The following STIMATE variants were observed in gnomAD, a reference collection of about 807,000 sequenced individuals.
STIMATE encodes STIM activating enhancer.
Under a neutral mutation model 36.7 loss-of-function variants are expected in STIMATE, and 15 were observed. The observed-to-expected ratio is 0.41, with a 90% CI of 0.27 to 0.63. The LOEUF is 0.63. Among genes scored for constraint, STIMATE ranks in the 20% least tolerant of loss-of-function variants. The pLI, the probability that STIMATE is intolerant of heterozygous loss-of-function variation, is 0.32. For synonymous variants in STIMATE, 163 were observed against 162.3 expected, an observed-to-expected ratio of 1.00 and a Z score of -0.03; for missense variants, 305 against 397.3, an observed-to-expected ratio of 0.77 and a Z score of 1.98.
chr3:52,850,612 T>C (rs1700981292), intron 3 of STIMATE, among the ~76,000 whole-genome samples: 1 of 152,190 alleles, frequency 6.6e-6, no homozygotes, highest in Non-Finnish European at 1.5e-5. Flanking sequence ...CCCAGAACAG[T>C]GCTGCTGCAC....
intron 1 of STIMATE, among the ~76,000 whole-genome samples, chr3:52,872,271 A>G (rs1010899524): frequency 1.3e-5 from 2 of 152,192 alleles, no homozygotes; most frequent in Non-Finnish European, 2.9e-5. Context: ...TATTCCTAGC[A>G]CTTAGAGGGA....
intron 1 of STIMATE, among the ~76,000 whole-genome samples, chr3:52,884,660 T>C (rs1268479731): frequency 6.6e-6 from 1 of 152,240 alleles, no homozygotes; most frequent in South Asian, 2.1e-4. Flanking sequence ...AATGGAGTCA[T>C]TCAGTATGTA....
intron 3 of STIMATE, among the ~76,000 whole-genome samples, chr3:52,850,337 C>T (rs538157813): frequency 6.6e-6 from 1 of 152,250 alleles, no homozygotes; most frequent in Admixed American, 6.5e-5. Flanking sequence ...GGGGCTGAGG[C>T]AGGGGAATCA....
intron 1 of STIMATE, among the ~76,000 whole-genome samples, chr3:52,873,954 T>G (rs1285252693): frequency 6.6e-6 from 1 of 152,182 alleles, no homozygotes; most frequent in Non-Finnish European, 1.5e-5. Flanking sequence ...GGCAACGATA[T>G]GTGTGTGTGT....
rs557417748 is a variant in STIMATE at position 52,854,933 on chromosome 3, T to C, written c.209+463A>G. ...TCATATATTTGGTGTCAGAAGTATT[T>C]TGAGTAGAGAAATAGTTTTCCTTTA... On this transcript the variant is annotated intron_variant, in intron 2 of 7. Coordinates refer to ENST00000355083, the MANE Select transcript of STIMATE (RefSeq NM_198563.5). Among the ~76,000 whole-genome samples the C allele has an allele frequency of 2.6e-5, 4 of 152,320 alleles. No homozygotes were observed. The South Asian group carries it at 8.3e-4, about 32-fold the overall frequency.
At chr3:52,856,954 T>C (rs966434781) in intron 1 of STIMATE, among the ~76,000 whole-genome samples, 1 of 152,250 alleles carries the variant, frequency 6.6e-6, no homozygotes, top group Non-Finnish European at 1.5e-5. Flanking sequence ...TGTGTGATAC[T>C]TTCCCACAGA....
chr3:52,866,818 G>A (rs978477442), intron 1 of STIMATE, among the ~76,000 whole-genome samples: 9 of 152,184 alleles, frequency 5.9e-5, no homozygotes, highest in African/African-American at 1.7e-4. Context: ...AAAAACACAG[G>A]CGTTGGAAGG....
rs764687667 is a variant in STIMATE at position 52,840,615 on chromosome 3, G to A, written c.769-5C>T. 3 of 1,612,230 alleles carry A rather than the reference G, an allele frequency of 1.9e-6. No individual in the cohort carries two copies. The East Asian group carries it at 6.7e-5, about 36-fold the overall frequency. ...ATCATCCGCTGAGATCAGGATCTGA[G>A]GCAGTAGAGAGGCAGGGCCTGAGTC... On this transcript the variant is annotated splice_polypyrimidine_tract_variant and splice_region_variant and intron_variant, in intron 7 of 7. Coordinates refer to ENST00000355083, the MANE Select transcript of STIMATE (RefSeq NM_198563.5).
intron 1 of STIMATE, among the ~76,000 whole-genome samples, chr3:52,865,985 T>G (rs1193368118): frequency 1.3e-5 from 2 of 152,146 alleles, no homozygotes; most frequent in Non-Finnish European, 2.9e-5. Context: ...GGCTCCATTT[T>G]CTTTCATTAG....
chr3:52,843,106 C>A, intron 6 of STIMATE, 146 bp from the exon 7 acceptor site: 1 of 1,386,934 alleles, frequency 7.2e-7, no homozygotes, highest in South Asian at 1.5e-5. Context: ...CTGCTCTCTC[C>A]CAAAGCTTAG....
At chr3:52,871,084 T>G (rs1160235940) in intron 1 of STIMATE, among the ~76,000 whole-genome samples, 1 of 152,098 alleles carries the variant, frequency 6.6e-6, no homozygotes, top group Non-Finnish European at 1.5e-5. Context: ...AGGAGGCAAT[T>G]CAATCAAGTA....
chr3:52,897,210 C>T (rs1029208877), intron 1 of STIMATE, 81 bp downstream of exon 1: 1 of 1,500,452 alleles, frequency 6.7e-7, no homozygotes, highest in African/African-American at 1.4e-5. Flanking sequence ...CCTGAACTCT[C>T]CGCGCAGGAG....
At chr3:52,874,124 ATTGTC>A (rs2106707323) in intron 1 of STIMATE, among the ~76,000 whole-genome samples, 1 of 152,300 alleles carries the variant, frequency 6.6e-6, no homozygotes, top group African/African-American at 2.4e-5. Flanking sequence ...TCACTGCAGC[ATTGTC>A]TTTAAGAGTG....
chr3:52,871,044 C>A (rs1701395687), intron 1 of STIMATE, among the ~76,000 whole-genome samples: 1 of 152,054 alleles, frequency 6.6e-6, no homozygotes, highest in African/African-American at 2.4e-5. Context: ...ACTTGCCTAC[C>A]CCACATCCTG....
intron 1 of STIMATE, among the ~76,000 whole-genome samples, chr3:52,878,924 G>A (rs530249035): frequency 7.2e-5 from 11 of 152,212 alleles, no homozygotes; most frequent in African/African-American, 2.7e-4. Flanking sequence ...TCCAACGGCA[G>A]TGCAAGTGCA....
chr3:52,887,356 G>A (rs1006304646), intron 1 of STIMATE, among the ~76,000 whole-genome samples: 1 of 152,236 alleles, frequency 6.6e-6, no homozygotes, highest in African/African-American at 2.4e-5. Flanking sequence ...GGCACTGTGT[G>A]CCAGCACAGC....
At chr3:52,864,006 G>A (rs1300106158) in intron 1 of STIMATE, among the ~76,000 whole-genome samples, 9 of 152,260 alleles carry the variant, frequency 5.9e-5, no homozygotes, top group Admixed American at 5.9e-4. Flanking sequence ...GTGTCTGCAG[G>A]TTTTCCAGGC....
intron 7 of STIMATE, 54 bp from the exon 8 acceptor site, chr3:52,840,664 T>C: frequency 6.4e-7 from 1 of 1,553,924 alleles, no homozygotes; most frequent in African/African-American, 1.4e-5. Flanking sequence ...CCTTCTTCAT[T>C]TGCCCTCCCT....
chr3:52,849,708 G>C, intron 4 of STIMATE, 84 bp downstream of exon 4: 1 of 1,523,226 alleles, frequency 6.6e-7, no homozygotes, highest in Non-Finnish European at 8.8e-7. Context: ...TTCTGGATCT[G>C]TTTGCCTGGT....
Sources: gnomAD v4.1 joint callset for allele counts (sites outside exome capture counted in the v4.1 genomes callset) on GRCh38, gnomAD v4.1.1 for gene constraint, MANE v1.5 for transcripts, NCBI Gene and HGNC (gene_info 2026-07-23, HGNC 2026-07-21) for gene names.